The following CCDC91 variants were observed in gnomAD, a reference collection of about 807,000 sequenced individuals.
CCDC91 encodes coiled-coil domain-containing protein 91.
In CCDC91, 48 loss-of-function variants were observed where a neutral mutation model predicts 63.2. That is an observed-to-expected ratio of 0.76 (90% CI 0.60 to 0.97). The LOEUF is 0.97. CCDC91 is among the 50% of genes least tolerant of loss of function. The pLI, the probability that CCDC91 is intolerant of heterozygous loss-of-function variation, is 0.00. For missense variants in CCDC91, 500 were observed against 494.6 expected, an observed-to-expected ratio of 1.01 and a Z score of -0.10; for synonymous variants, 167 against 165.8, an observed-to-expected ratio of 1.01 and a Z score of -0.06.
At chr12:28,238,958 A>G (rs1945147206) in intron 1 of CCDC91, among the ~76,000 whole-genome samples, 1 of 151,984 alleles carries the variant, frequency 6.6e-6, no homozygotes, top group Admixed American at 6.6e-5. Flanking sequence ...CATCTCTACA[A>G]AAGTACAAAG....
At chr12:28,474,588 C>G (rs997517304) in intron 11 of CCDC91, among the ~76,000 whole-genome samples, 29 of 151,880 alleles carry the variant, frequency 1.9e-4, no homozygotes, top group Non-Finnish European at 3.1e-4. Context: ...TATAGATTTA[C>G]TCAAATCCAT....
intron 8 of CCDC91, among the ~76,000 whole-genome samples, chr12:28,394,359 C>A (rs889538428): frequency 6.6e-6 from 1 of 151,578 alleles, no homozygotes; most frequent in African/African-American, 2.4e-5. Flanking sequence ...TCAGCTACTC[C>A]GGAGGCTAAG....
intron 12 of CCDC91, among the ~76,000 whole-genome samples, chr12:28,520,486 G>A (rs374778162): frequency 6.6e-6 from 1 of 151,840 alleles, no homozygotes; most frequent in African/African-American, 2.4e-5. Flanking sequence ...TTGTCAGATG[G>A]GTAGATTGCA....
intron 12 of CCDC91, among the ~76,000 whole-genome samples, chr12:28,525,102 G>C (rs779259130): frequency 4.6e-5 from 7 of 151,854 alleles, no homozygotes; most frequent in African/African-American, 7.3e-5. Context: ...GTTTCACTTG[G>C]TTCTGCTCAC....
intron 1 of CCDC91, among the ~76,000 whole-genome samples, chr12:28,231,928 G>T (rs1473653757): frequency 6.6e-6 from 1 of 152,092 alleles, no homozygotes; most frequent in Non-Finnish European, 1.5e-5. Flanking sequence ...ACACTATGTG[G>T]TTTTGTGTAA....
chr12:28,305,233 C>G (rs930260431), intron 3 of CCDC91, among the ~76,000 whole-genome samples: 18 of 152,000 alleles, frequency 1.2e-4, no homozygotes, highest in South Asian at 4.1e-4. Flanking sequence ...TCTTCAGTCC[C>G]TAATGCCTGT....
intron 12 of CCDC91, among the ~76,000 whole-genome samples, chr12:28,537,456 A>G (rs1418811880): frequency 6.6e-6 from 1 of 152,242 alleles, no homozygotes; most frequent in East Asian, 1.9e-4. Flanking sequence ...CTTGTTCTCA[A>G]CTTCTCAAGC....
At chr12:28,224,648 G>T (rs1312962939) in intron 1 of CCDC91, among the ~76,000 whole-genome samples, 1 of 152,096 alleles carries the variant, frequency 6.6e-6, no homozygotes, top group African/African-American at 2.4e-5. Context: ...TGCATCTGTA[G>T]GTACACTGAA....
At chr12:28,435,982 A>G (rs1371096080) in intron 8 of CCDC91, among the ~76,000 whole-genome samples, 1 of 151,798 alleles carries the variant, frequency 6.6e-6, no homozygotes, top group Non-Finnish European at 1.5e-5. Context: ...TAATCTACAC[A>G]TCTTTACATT....
intron 3 of CCDC91, among the ~76,000 whole-genome samples, chr12:28,291,607 G>A (rs955588585): frequency 8.5e-5 from 13 of 152,076 alleles, no homozygotes; most frequent in African/African-American, 2.4e-4. Context: ...GCTTCTTTGC[G>A]GTCTACCTAC....
intron 6 of CCDC91, among the ~76,000 whole-genome samples, chr12:28,328,916 T>G (rs1941256391): frequency 6.6e-6 from 1 of 152,088 alleles, no homozygotes; most frequent in Non-Finnish European, 1.5e-5. Context: ...ACAGTTTAAG[T>G]CAGTAGCTTA....
intron 12 of CCDC91, among the ~76,000 whole-genome samples, chr12:28,517,765 A>G (rs1175986352): frequency 2.0e-5 from 3 of 151,712 alleles, no homozygotes; most frequent in Non-Finnish European, 4.4e-5. Flanking sequence ...CCCAATTTGT[A>G]GTCTTTTATT....
chr12:28,283,245 A>G (rs1948714014), intron 3 of CCDC91, among the ~76,000 whole-genome samples: 1 of 151,416 alleles, frequency 6.6e-6, no homozygotes, highest in African/African-American at 2.4e-5. Context: ...AGTTCTGTGA[A>G]AAATGATGTT....
intron 12 of CCDC91, among the ~76,000 whole-genome samples, chr12:28,536,828 A>T (rs1415239598): frequency 6.6e-6 from 1 of 152,154 alleles, no homozygotes; most frequent in African/African-American, 2.4e-5. Context: ...TAATTTAAAT[A>T]CCTTTTTGTT....
At chr12:28,256,038 T>C (rs1363970453) in intron 1 of CCDC91, 2 of 152,184 alleles carry the variant, frequency 1.3e-5, no homozygotes, top group Admixed American at 6.5e-5. Flanking sequence ...ATGAAGTCCA[T>C]CTTGTATTAC....
At chr12:28,359,782 C>CTTTCTTTTTTTTTT (rs1565853546) in intron 6 of CCDC91, among the ~76,000 whole-genome samples, 4 of 151,968 alleles carry the variant, frequency 2.6e-5, no homozygotes, top group African/African-American at 9.7e-5. Context: ...CAGAATATTT[C>CTTTCTTTTTTTTTT]TATTTACTTT....
At chr12:28,477,782 A>C (rs1477704825) in intron 11 of CCDC91, among the ~76,000 whole-genome samples, 1 of 152,202 alleles carries the variant, frequency 6.6e-6, no homozygotes, top group East Asian at 1.9e-4. Context: ...ATACAAAATC[A>C]ATGTGCAAAA....
intron 7 of CCDC91, among the ~76,000 whole-genome samples, chr12:28,386,800 C>T (rs1430563543): frequency 6.6e-6 from 1 of 152,102 alleles, no homozygotes; most frequent in Admixed American, 6.5e-5. Context: ...CATTTTCTGC[C>T]CTTGATAGCA....
chr12:28,452,373 C>A, intron 10 of CCDC91, 105 bp from the exon 11 acceptor site: 1 of 685,522 alleles, frequency 1.5e-6, no homozygotes, highest in Non-Finnish European at 2.4e-6. Context: ...TAGAACTAAA[C>A]ACTATAGGAT....
Sources: allele counts gnomAD v4.1 joint callset (sites outside exome capture counted in the v4.1 genomes callset), GRCh38; gene constraint gnomAD v4.1.1; transcripts MANE v1.5; gene names NCBI Gene and HGNC (gene_info 2026-07-23, HGNC 2026-07-21).